The following PCDHGB3 variants were observed in gnomAD, a reference collection of about 807,000 sequenced individuals.
The protein encoded by PCDHGB3 is protocadherin gamma-B3.
Under a neutral mutation model 59.2 loss-of-function variants are expected in PCDHGB3, and 40 were observed. That is an observed-to-expected ratio of 0.68 (90% CI 0.52 to 0.88). PCDHGB3 has a LOEUF of 0.88. Ranked by LOEUF, PCDHGB3 falls within the 40% of genes least tolerant of loss-of-function variation. PCDHGB3 has a pLI of 0.00. For synonymous variants in PCDHGB3, 581 were observed against 503.6 expected, an observed-to-expected ratio of 1.15 and a Z score of -2.06; for missense variants, 1,309 against 1,187.9, an observed-to-expected ratio of 1.10 and a Z score of -1.50.
Position 141,510,990 on chromosome 5 carries a change from C to T in PCDHGB3, c.2607C>T (p.Thr869=). ...GSSTLGGGAG[T]MGLSARYGPQ... ...CCACCCTGGGAGGGGGTGCCGGCAC[C>T]ATGGGATTGAGCGCCCGCTACGGAC... The change falls in exon 4 of 4, where the codon ACC becomes ACT. Residue 869 remains threonine, a synonymous_variant. Transcript: ENST00000576222. The T allele has an allele frequency of 2.5e-6, 4 of 1,614,166 alleles. No homozygotes were observed. Among genetic ancestry groups the T allele is most frequent in the Non-Finnish European group, 3.4e-6 (4 of 1,180,014 alleles).
intron 1 of PCDHGB3, among the ~76,000 whole-genome samples, chr5:141,430,329 T>G (rs1466381565): frequency 1.3e-5 from 2 of 151,776 alleles, no homozygotes; most frequent in Non-Finnish European, 2.9e-5. Flanking sequence ...AATCATTGTT[T>G]ATAGAAACTT....
chr5:141,509,621 C>T (rs1179988828), intron 3 of PCDHGB3, among the ~76,000 whole-genome samples: 1 of 152,178 alleles, frequency 6.6e-6, no homozygotes, highest in African/African-American at 2.4e-5. Flanking sequence ...AAACAAGTTC[C>T]TGGGTGATGC....
chr5:141,374,169 C>A, intron 1 of PCDHGB3: 1 of 1,613,236 alleles, frequency 6.2e-7, no homozygotes, highest in African/African-American at 1.3e-5. Context: ...GCCGCGGCAG[C>A]GCAGATCCGC....
At chr5:141,414,409 A>AG in intron 1 of PCDHGB3, 1 of 1,613,870 alleles carries the variant, frequency 6.2e-7, no homozygotes. Flanking sequence ...GGTGATACAC[A>AG]GAGCCCTTGA....
chr5:141,478,392 A>G, intron 1 of PCDHGB3: 1 of 1,613,560 alleles, frequency 6.2e-7, no homozygotes, highest in Non-Finnish European at 8.5e-7. Context: ...CTTTACCATC[A>G]GGTGTATCTC....
chr5:141,375,418 C>T, intron 1 of PCDHGB3: 2 of 1,613,972 alleles, frequency 1.2e-6, no homozygotes, highest in Non-Finnish European at 1.7e-6. Context: ...TGGCAGACAC[C>T]AACGACAACC....
Position 141,371,743 on chromosome 5 carries a change from C to G in PCDHGB3, c.1349C>G (p.Pro450Arg). ...LHILDVNDNV[P>R]VFHQASYTVH... ...ATCCTTGATGTCAACGACAACGTTC[C>G]CGTTTTCCACCAGGCCTCCTACACC... is the stretch of plus-strand genomic sequence containing the variant. The change falls in exon 1 of 4, where the codon CCC (proline) becomes CGC (arginine). Residue 450 changes from proline to arginine, a missense_variant. Transcript: ENST00000576222. 1 of 1,614,054 alleles carries G rather than the reference C, an allele frequency of 6.2e-7. No homozygotes were observed. Among genetic ancestry groups the G allele is most frequent in the South Asian group, 1.1e-5 (1 of 91,082 alleles).
chr5:141,394,521 G>A (rs761808641), intron 1 of PCDHGB3: 5 of 1,614,212 alleles, frequency 3.1e-6, no homozygotes, highest in Non-Finnish European at 4.2e-6. Flanking sequence ...CCTCCCCACA[G>A]ACGGTTCCAC....
At chr5:141,415,074 G>A (rs745950404) in intron 1 of PCDHGB3, 4 of 1,613,448 alleles carry the variant, frequency 2.5e-6, no homozygotes, top group East Asian at 2.2e-5. Flanking sequence ...TGCGCACGGC[G>A]CGAGCCCTGC....
At position 141,477,067 on chromosome 5, in the gene PCDHGB3, C is replaced by G. The variant is rs370882752; in HGVS notation, c.2416-17740C>G. 5.6e-5 allele frequency: 91 copies of G among 1,614,116 alleles called. No individual in the cohort carries two copies. Among genetic ancestry groups the G allele is most frequent in the Non-Finnish European group, 7.7e-5 (91 of 1,180,042 alleles). ...GGCTGGACTTCGAGGACACCAAACT[C>G]CATGAGATTTACATCCAGGCCAAAG... On this transcript the variant is annotated intron_variant, in intron 1 of 3. Transcript: ENST00000576222. This position sits in a 1 kb window ranked among gnomAD's most constrained non-coding sequence, Gnocchi z 4.9.
chr5:141,432,706 C>G lies in PCDHGB3; in HGVS notation c.2415+59897C>G, dbSNP rs761752571. The G allele has an allele frequency of 6.2e-7, 1 of 1,613,988 alleles. No homozygotes were observed. Among genetic ancestry groups the G allele is most frequent in the African/African-American group, 1.3e-5 (1 of 75,072 alleles). Reference sequence around the variant, plus strand: ...GCCTCGTAGTGGCCGTCCAGGACCACGGCCAGCCCCCTCTCTCCGCCACTG... The same window carrying G: ...GCCTCGTAGTGGCCGTCCAGGACCAGGGCCAGCCCCCTCTCTCCGCCACTG... On this transcript the variant is annotated intron_variant, in intron 1 of 3. Transcript: ENST00000576222. The surrounding 1 kb of genome is among the most constrained non-coding windows in gnomAD (Gnocchi z 6.0).
chr5:141,483,435 A>G (rs2099581280), intron 1 of PCDHGB3, among the ~76,000 whole-genome samples: 1 of 152,180 alleles, frequency 6.6e-6, no homozygotes, highest in Admixed American at 6.5e-5. Context: ...GGAGCTGACT[A>G]CAATAAAATC....
Position 141,371,988 on chromosome 5 carries a change from C to T in PCDHGB3, c.1594C>T (p.Leu532=), listed in dbSNP as rs1283820650. 4 of 1,613,144 alleles carry T rather than the reference C, an allele frequency of 2.5e-6. No homozygotes were observed. The African/African-American group carries it at 5.3e-5, about 22-fold the overall frequency. ...HEQLRAFELT[L]QARDQGSPTL... is the part of the protein sequence containing the mutation. The stretch of plus-strand genomic sequence containing the variant: ...GCAGCTGCGTGCCTTCGAGCTCACT[C>T]TGCAGGCCCGCGACCAGGGCTCGCC... Residue 532 remains leucine, a synonymous_variant, in exon 1 of 4, where the codon CTG becomes TTG. Coordinates refer to ENST00000576222, the MANE Select transcript of PCDHGB3 (RefSeq NM_018924.5).
Position 141,491,944 on chromosome 5 carries a change from C to A in PCDHGB3, c.2416-2863C>A. On this transcript the variant is annotated intron_variant, in intron 1 of 3. Transcript: ENST00000576222. This position sits in a 1 kb window ranked among gnomAD's most constrained non-coding sequence, Gnocchi z 6.9. ...CGAGGGGAGGTGGGACCGACCCCCA[C>A]CCCTACACTCAAAAAAGGCCGGGGC... 2 of 1,120,270 alleles carry A rather than the reference C, an allele frequency of 1.8e-6. No individual in the cohort carries two copies. Among genetic ancestry groups the A allele is most frequent in the Non-Finnish European group, 2.4e-6 (2 of 822,060 alleles). The allele number at this position is 1,120,270 out of a possible 1,614,324, so 69.4% of individuals were successfully genotyped here.
chr5:141,487,675 A>G lies in PCDHGB3; in HGVS notation c.2416-7132A>G, dbSNP rs752606441. ...GTTATTCTGATCCAGGCATATGGCT[A>G]GGCCATGTCCTAGAGAGTACTGGCC... On this transcript the variant is annotated intron_variant, in intron 1 of 3. Transcript: ENST00000576222. This position sits in a 1 kb window ranked among gnomAD's most constrained non-coding sequence, Gnocchi z 5.0. 22 of 1,611,038 alleles carry G rather than the reference A, an allele frequency of 1.4e-5. No individual in the cohort carries two copies. Among genetic ancestry groups the G allele is most frequent in the Non-Finnish European group, 1.7e-5 (20 of 1,178,458 alleles).
intron 1 of PCDHGB3, chr5:141,405,045 C>T (rs757899891): frequency 6.2e-7 from 1 of 1,613,918 alleles, no homozygotes. Context: ...GTGGCTGTGG[C>T]AGTCGTCTCC....
intron 1 of PCDHGB3, chr5:141,427,689 A>C (rs3749765): frequency 0.15 from 132,103 of 873,882 alleles, 11,769 homozygotes; most frequent in African/African-American, 0.33. Flanking sequence ...CGGAGCCTCC[A>C]TCCCACAAGT....
chr5:141,385,066 C>T, intron 1 of PCDHGB3: 2 of 1,614,194 alleles, frequency 1.2e-6, no homozygotes, highest in South Asian at 1.1e-5. Context: ...GCACAAGTCA[C>T]GCCTGCTGCA....
chr5:141,420,242 A>T (rs1241562871), intron 1 of PCDHGB3: 1 of 1,586,666 alleles, frequency 6.3e-7, no homozygotes, highest in Non-Finnish European at 8.6e-7. Context: ...TTTAACTCCC[A>T]GCGTTGAAGC....
Sources: allele counts gnomAD v4.1 joint callset (sites outside exome capture counted in the v4.1 genomes callset), GRCh38; gene constraint gnomAD v4.1.1; non-coding constraint Gnocchi (gnomAD v3.1); transcripts MANE v1.5; gene names NCBI Gene and HGNC (gene_info 2026-07-23, HGNC 2026-07-21).